CSPG4: variants seen among roughly 807,000 people sequenced by gnomAD.
The protein encoded by CSPG4 is chondroitin sulfate proteoglycan 4 (melanoma-associated).
In CSPG4, 74 loss-of-function variants were observed where a neutral mutation model predicts 139.3. That is an observed-to-expected ratio of 0.53 (90% CI 0.44 to 0.64). CSPG4 has a LOEUF of 0.64. CSPG4 is among the 30% of genes least tolerant of loss of function. The pLI, the probability that CSPG4 is intolerant of heterozygous loss-of-function variation, is 0.00. For missense variants in CSPG4, 2,565 were observed against 3,148.3 expected (o/e 0.81, Z 4.43); for synonymous variants, 1,234 against 1,394.2 (o/e 0.89, Z 2.56).
chr15:75,676,533 G>GCCGC lies in CSPG4; in HGVS notation c.5982_5985dup (p.Pro1996AlafsTer28). 1 of 1,613,708 alleles carries GCCGC rather than the reference G, an allele frequency of 6.2e-7. No homozygotes were observed. Among genetic ancestry groups the GCCGC allele is most frequent in the Non-Finnish European group, 8.5e-7 (1 of 1,179,988 alleles). On this transcript the variant is annotated frameshift_variant, in exon 10 of 10. Transcript: ENST00000308508. LOFTEE classifies it high-confidence loss of function. Reference sequence around the variant, plus strand: ...TGGAATTGGCTGAAGGCCGAGGTGGGCCGCCCGCCCACCAGGAGATGCCCA... The same window carrying GCCGC: ...TGGAATTGGCTGAAGGCCGAGGTGGGCCGCCCGCCCGCCCACCAGGAGATGCCCA...
chr15:75,683,568 G>A (rs1894009993), intron 5 of CSPG4, among the ~76,000 whole-genome samples: 1 of 152,228 alleles, frequency 6.6e-6, no homozygotes, highest in African/African-American at 2.4e-5. Context: ...CTGTTCTGCA[G>A]CACAGAATCA....
At chr15:75,707,076 G>A (rs1478584716) in intron 1 of CSPG4, among the ~76,000 whole-genome samples, 1 of 151,364 alleles carries the variant, frequency 6.6e-6, no homozygotes, top group Non-Finnish European at 1.5e-5. Context: ...TCATGCCTCA[G>A]TATCCTGAGT....
Position 75,712,819 on chromosome 15 carries a change from T to A in CSPG4, c.-64A>T. The A allele has an allele frequency of 7.2e-7, 1 of 1,396,456 alleles. No homozygotes were observed. Among genetic ancestry groups the A allele is most frequent in the East Asian group, 2.8e-5 (1 of 35,930 alleles). The allele number at this position is 1,396,456 out of a possible 1,614,324, so 86.5% of individuals were successfully genotyped here. A position where few individuals can be genotyped will look rare whatever the true frequency, so the allele number is the denominator to read the frequency against. On this transcript the variant is annotated 5_prime_UTR_variant, in exon 1 of 10. Coordinates refer to ENST00000308508, the MANE Select transcript of CSPG4 (RefSeq NM_001897.5). ...GGAGTCCTGGGAGCTGGGAGCTGAG[T>A]GGAGCGAGCGCGGCTCTGCTCCTGG...
Position 75,687,006 on chromosome 15 carries a change from G to A in CSPG4, c.3789+270C>T, listed in dbSNP as rs1197041112. ...CAGAGATTCTGTAGGGCTGGGTGGG[G>A]TCCAGGAATCTGCATGCTCAGCCAT... On this transcript the variant is annotated intron_variant, in intron 3 of 9. Coordinates refer to ENST00000308508, the MANE Select transcript of CSPG4 (RefSeq NM_001897.5). This position sits in a 1 kb window ranked among gnomAD's most constrained non-coding sequence, Gnocchi z 5.4. 6.6e-6 allele frequency among the ~76,000 whole-genome samples: 1 copy of A among 151,926 alleles called. No homozygotes were observed. Among genetic ancestry groups the A allele is most frequent in the African/African-American group, 2.4e-5 (1 of 41,390 alleles).
At position 75,677,238 on chromosome 15, in the gene CSPG4, A is replaced by G. The variant is rs150717520; in HGVS notation, c.5281T>C (p.Leu1761=). 7.9e-4 allele frequency: 1,167 copies of G among 1,486,280 alleles called. 1 individual carries two copies. The Middle Eastern group carries it at 7.9e-3, about 10-fold the overall frequency. The allele number at this position is 1,486,280 out of a possible 1,614,324, so 92.1% of individuals were successfully genotyped here. The change falls in exon 10 of 10, where the codon TTG becomes CTG. Residue 1761 remains leucine (L), a synonymous_variant. Coordinates refer to ENST00000308508, the MANE Select transcript of CSPG4 (RefSeq NM_001897.5). ...VTQFPSRGQL[L]VSEEPLHAGQ... ...GCATGGAGGGGCTCCTCGGACACCA[A>G]CAGCTGGCCCCGGCTGGGGAACTGT... is the stretch of plus-strand genomic sequence containing the variant.
intron 1 of CSPG4, among the ~76,000 whole-genome samples, chr15:75,707,234 G>A (rs1393981875): frequency 1.3e-5 from 2 of 152,134 alleles, no homozygotes; most frequent in Non-Finnish European, 2.9e-5. Context: ...TGGGATTACA[G>A]GCGTGAGCCA....
Position 75,698,012 on chromosome 15 carries a change from AGGAGACGGAGGAGGAAAACTCGAG to A in CSPG4, c.89-4803_89-4780del, listed in dbSNP as rs1894249978. Among the ~76,000 whole-genome samples the A allele has an allele frequency of 6.6e-6, 1 of 152,186 alleles. No individual in the cohort carries two copies. Among genetic ancestry groups the A allele is most frequent in the Non-Finnish European group, 1.5e-5 (1 of 68,022 alleles). ...TCACATACAGACCAAGGCCTGAGGA[AGGAGACGGAGGAGGAAAACTCGAG>A]GGAGACAGAGAAGGCGGGATGTTGG... is the stretch of plus-strand genomic sequence containing the variant. On this transcript the variant is annotated intron_variant, in intron 1 of 9. Coordinates refer to ENST00000308508, the MANE Select transcript of CSPG4 (RefSeq NM_001897.5). This position sits in a 1 kb window ranked among gnomAD's most constrained non-coding sequence, Gnocchi z 4.3.
At chr15:75,699,207 G>A (rs1894269872) in intron 1 of CSPG4, among the ~76,000 whole-genome samples, 1 of 152,198 alleles carries the variant, frequency 6.6e-6, no homozygotes, top group Non-Finnish European at 1.5e-5. Flanking sequence ...TGGGGTGCTG[G>A]AGTGCTAGGC....
chr15:75,690,919 A>C, intron 2 of CSPG4, 107 bp from the exon 3 acceptor site: 7 of 1,280,804 alleles, frequency 5.5e-6, no homozygotes, highest in Non-Finnish European at 6.4e-6. Context: ...TCATGCCTGT[A>C]ATCCTAGCAC....
rs184086905 is a variant in CSPG4, at chr15:75,706,917, T to C, written c.88+5751A>G. Among the ~76,000 whole-genome samples, 307 of 150,958 alleles carry C rather than the reference T, an allele frequency of 2.0e-3. 1 individual carries two copies. The highest frequency in any genetic ancestry group is 1.9e-3 in the Non-Finnish European group (132 of 67,842). ...AAATCCAAAATTTTTTGAGTGCCAA[T>C]AGGATACCACCAGTGGAAAATCTCA... On this transcript the variant is annotated intron_variant, in intron 1 of 9. Transcript: ENST00000308508.
chr15:75,709,774 C>T (rs924794071), intron 1 of CSPG4, among the ~76,000 whole-genome samples: 6 of 152,194 alleles, frequency 3.9e-5, no homozygotes, highest in African/African-American at 9.6e-5. Flanking sequence ...CATCGACAGC[C>T]GCCTGGCCCA....
chr15:75,676,782 C>T lies in CSPG4; in HGVS notation c.5737G>A (p.Val1913Met), dbSNP rs777142420. Residue 1913 changes from valine (V) to methionine (M), a missense_variant, in exon 10 of 10, where the codon GTG becomes ATG. Physicochemically the swap from Val to Met is conservative, Grantham distance 21. Transcript: ENST00000308508. ...RLAFVANGSS[V>M]AGIFQLSMSD... ...ATGCTCAGCTGGAAGATGCCTGCCA[C>T]GCTGCTCCCGTTGGCCACGAAGGCC... 82 of 1,545,170 alleles carry T rather than the reference C, an allele frequency of 5.3e-5. No homozygotes were observed. The highest frequency in any genetic ancestry group is 6.7e-5 in the Non-Finnish European group (77 of 1,143,164).
Position 75,690,738 on chromosome 15 carries a change from G to A in CSPG4, c.327C>T (p.Pro109=), listed in dbSNP as rs751465567. Reference sequence around the variant, plus strand: ...CTACGACAGTCAGCACCACAGTGTGGGGGATGGAGTCACTCAGCAGCGTCT... The same window carrying A: ...CTACGACAGTCAGCACCACAGTGTGAGGGATGGAGTCACTCAGCAGCGTCT... The part of the protein sequence containing the change: ...PAETLLSDSI[P]HTVVLTVVEG... The change falls in exon 3 of 10, where the codon CCC becomes CCT. Residue 109 remains proline, a synonymous_variant. Coordinates refer to ENST00000308508, the MANE Select transcript of CSPG4 (RefSeq NM_001897.5). 2 of 1,613,198 alleles carry A rather than the reference G, an allele frequency of 1.2e-6. No individual in the cohort carries two copies. The highest frequency in any genetic ancestry group is 2.2e-5 in the South Asian group (2 of 91,086).
Position 75,675,756 on chromosome 15 carries a change from G to C in CSPG4, c.6763C>G (p.His2255Asp), listed in dbSNP as rs995069406. The C allele has an allele frequency of 1.2e-5, 20 of 1,611,452 alleles. No homozygotes were observed. Among genetic ancestry groups the C allele is most frequent in the Non-Finnish European group, 1.4e-5 (17 of 1,178,482 alleles). Residue 2255 changes from histidine (H) to aspartate (D), a missense_variant, in exon 10 of 10, where the codon CAT (histidine) becomes GAT (aspartate). Physicochemically the swap from His to Asp is moderately conservative, Grantham distance 81 (BLOSUM62 -1). Coordinates refer to ENST00000308508, the MANE Select transcript of CSPG4 (RefSeq NM_001897.5). Reference protein sequence around the residue: ...YLRKRNKTGKHDVQVLTAKPR... With the variant: ...YLRKRNKTGKDDVQVLTAKPR... ...TTGGCAGTCAGGACCTGGACGTCAT[G>C]CTTGCCCGTCTTGTTGCGTTTTCGG...
chr15:75,687,812 C>T lies in CSPG4; in HGVS notation c.3253G>A (p.Asp1085Asn). The change falls in exon 3 of 10, where the codon GAC becomes AAC. Residue 1085 changes from aspartate to asparagine, a missense_variant. Transcript: ENST00000308508. The surrounding 1 kb of genome is among the most constrained non-coding windows in gnomAD (Gnocchi z 5.4). ...AACAGTACTCGCCTCTTCCTGAGGT[C>T]CTCCTGGGTGAAGCGGTAGATGGGC... ...TRPIYRFTQE[D>N]LRKRRVLFVH... is the part of the protein sequence containing the mutation. 1.2e-6 allele frequency: 2 copies of T among 1,612,944 alleles called. No homozygotes were observed. Among genetic ancestry groups the T allele is most frequent in the Non-Finnish European group, 1.7e-6 (2 of 1,180,024 alleles).
intron 1 of CSPG4, among the ~76,000 whole-genome samples, chr15:75,708,654 A>G (rs1894404833): frequency 6.6e-6 from 1 of 152,174 alleles, no homozygotes; most frequent in Admixed American, 6.5e-5. Flanking sequence ...GGTGAGTGAG[A>G]ACACCACGGC....
In CSPG4 at chr15:75,678,931, G is replaced by A. The variant is rs566118628; in HGVS notation, c.4951-1045C>T. The stretch of plus-strand genomic sequence containing the variant: ...AACCCTTCCTCCAAGAGAGCCACAG[G>A]CTCTGGGATACTTCACTCTGGGGTT... On this transcript the variant is annotated intron_variant, in intron 8 of 9. Coordinates refer to ENST00000308508, the MANE Select transcript of CSPG4 (RefSeq NM_001897.5). 112 of 373,780 alleles carry A rather than the reference G, an allele frequency of 3.0e-4. 3 individuals are homozygous for A. Among genetic ancestry groups the A allele is most frequent in the South Asian group, 2.1e-3 (105 of 50,450 alleles). The allele number at this position is 373,780 out of a possible 1,614,324, so 23.2% of individuals were successfully genotyped here. A position where few individuals can be genotyped will look rare whatever the true frequency, so the allele number is the denominator to read the frequency against.
Position 75,698,325 on chromosome 15 carries a change from C to T in CSPG4, c.89-5092G>A, listed in dbSNP as rs577489748. Among the ~76,000 whole-genome samples, 28 of 80,290 alleles carry T rather than the reference C, an allele frequency of 3.5e-4. 2 individuals carry two copies. The highest frequency in any genetic ancestry group is 1.5e-3 in the African/African-American group (28 of 18,262). 52.7% of individuals were successfully genotyped at this position (80,290 alleles called of 152,430 possible). On this transcript the variant is annotated intron_variant, in intron 1 of 9. Transcript: ENST00000308508. This position sits in a 1 kb window ranked among gnomAD's most constrained non-coding sequence, Gnocchi z 4.3. Reference sequence around the variant, plus strand: ...CCTCATAGGTGTGTATGTGGTGGGGCGGGGGGTGGTCGTGGCCCACCTGGG... The same window carrying T: ...CCTCATAGGTGTGTATGTGGTGGGGTGGGGGGTGGTCGTGGCCCACCTGGG...
intron 8 of CSPG4, chr15:75,678,642 C>T (rs1235662017): frequency 2.2e-6 from 1 of 455,918 alleles, no homozygotes; most frequent in East Asian, 6.9e-5. Flanking sequence ...GCAGGAGGCA[C>T]TGCACCTGGC....
Sources: gnomAD v4.1 joint callset for allele counts (sites outside exome capture counted in the v4.1 genomes callset) on GRCh38, gnomAD v4.1.1 for gene constraint, Gnocchi (gnomAD v3.1) non-coding constraint, MANE v1.5 for transcripts, NCBI Gene and HGNC (gene_info 2026-07-23, HGNC 2026-07-21) for gene names.